DOCK3: variants seen among roughly 807,000 people sequenced by gnomAD.
DOCK3 encodes dedicator of cytokinesis 3, also known as dedicator of cytokinesis protein 3.
In DOCK3, 60 loss-of-function variants were observed where a neutral mutation model predicts 265.6. The ratio of observed to expected loss-of-function variants is 0.23; its 90% CI spans 0.18 to 0.28. The LOEUF (loss-of-function observed/expected upper bound fraction) is 0.28. Among genes scored for constraint, DOCK3 ranks in the 10% least tolerant of loss-of-function variants. The probability of loss-of-function intolerance (pLI) is 1.00; values close to 1 mark genes in which losing one functional copy is unlikely to be tolerated. For synonymous variants in DOCK3, 881 were observed against 938.0 expected (o/e 0.94, Z 1.11); for missense variants, 1,981 against 2,594.3 (o/e 0.76, Z 5.14).
In DOCK3 at chr3:51,071,874, T is replaced by G. The variant is rs1242439597; in HGVS notation, c.465-3482T>G. 3.3e-5 allele frequency among the ~76,000 whole-genome samples: 5 copies of G among 152,346 alleles called. No individual in the cohort carries two copies. In the East Asian group the frequency reaches 7.7e-4, roughly 24 times the overall value. On this transcript the variant is annotated intron_variant, in intron 6 of 52. Coordinates refer to ENST00000266037, the MANE Select transcript of DOCK3 (RefSeq NM_004947.5). ...GTAGTGAACATGTATTGGTTCTCAC[T>G]GTCCAACATCTCTGCCTTTTTCAAA...
chr3:50,689,324 A>G (rs2035052148), intron 1 of DOCK3, among the ~76,000 whole-genome samples: 1 of 152,260 alleles, frequency 6.6e-6, no homozygotes, highest in South Asian at 2.1e-4. Context: ...AAAGAGGTTT[A>G]ATTGACTTAT....
At chr3:51,379,295 C>T (rs1370670741) in intron 51 of DOCK3, among the ~76,000 whole-genome samples, 18 of 152,376 alleles carry the variant, frequency 1.2e-4, no homozygotes, top group African/African-American at 3.8e-4. Flanking sequence ...GACCACAGTG[C>T]CTTGCTTGGC....
chr3:51,336,849 T>TG (rs751598715), intron 35 of DOCK3: 13 of 456,018 alleles, frequency 2.9e-5, no homozygotes, highest in Non-Finnish European at 5.7e-5. Context: ...ATGTTTCAGA[T>TG]GCTTTATAGA....
intron 12 of DOCK3, among the ~76,000 whole-genome samples, chr3:51,205,794 A>T (rs1229112016): frequency 2.0e-5 from 3 of 152,248 alleles, no homozygotes; most frequent in Admixed American, 2.0e-4. Flanking sequence ...AAAAGGAAGC[A>T]TTGGTAATTG....
intron 27 of DOCK3, among the ~76,000 whole-genome samples, chr3:51,298,637 C>T (rs1192342621): frequency 6.6e-6 from 1 of 152,152 alleles, no homozygotes; most frequent in Non-Finnish European, 1.5e-5. Context: ...TGTTCAGCAC[C>T]CACTTATAAG....
chr3:50,849,485 C>G (rs984292768), intron 3 of DOCK3, among the ~76,000 whole-genome samples: 3 of 151,740 alleles, frequency 2.0e-5, no homozygotes, highest in African/African-American at 7.3e-5. Flanking sequence ...GACAGGGTCT[C>G]TCTCTGTCAC....
At chr3:50,999,032 C>G (rs1179833974) in intron 5 of DOCK3, among the ~76,000 whole-genome samples, 2 of 152,050 alleles carry the variant, frequency 1.3e-5, no homozygotes, top group African/African-American at 2.4e-5. Flanking sequence ...ACTAATGTTC[C>G]TCTAGAAATT....
rs1412628116 is a variant in DOCK3, at chr3:51,171,909, C to CTTTTCA, written c.1037+11208_1037+11213dup. 1.1e-4 allele frequency among the ~76,000 whole-genome samples: 16 copies of CTTTTCA among 152,198 alleles called. No homozygotes were observed. In the East Asian group the frequency reaches 3.1e-3, roughly 29 times the overall value. On this transcript the variant is annotated intron_variant, in intron 12 of 52. Transcript: ENST00000266037. ...ATTTTCTGTTTGGATGATCTCTTAG[C>CTTTTCA]TTTTCAAAGTGAAGTATTGAAGTTC... is the stretch of plus-strand genomic sequence containing the variant.
rs1469301603 is a variant in DOCK3 at position 50,973,591 on chromosome 3, A to G, written c.315+39514A>G. Reference sequence around the variant, plus strand: ...CTTTGCTATTGTGAATAGTGCCGCAATAAACATACGTGTCCATGTGTCTTT... The same window carrying G: ...CTTTGCTATTGTGAATAGTGCCGCAGTAAACATACGTGTCCATGTGTCTTT... On this transcript the variant is annotated intron_variant, in intron 5 of 52. Transcript: ENST00000266037. Among the ~76,000 whole-genome samples the G allele has an allele frequency of 9.4e-5, 14 of 148,252 alleles. No individual in the cohort carries two copies. The South Asian group carries it at 1.5e-3, about 16-fold the overall frequency.
intron 3 of DOCK3, among the ~76,000 whole-genome samples, chr3:50,864,780 C>G (rs1207332776): frequency 6.6e-6 from 1 of 151,888 alleles, no homozygotes; most frequent in Non-Finnish European, 1.5e-5. Context: ...TCTGAGTTCT[C>G]TATTCTGTTC....
At chr3:51,363,415 T>A (rs1244410031) in intron 49 of DOCK3, among the ~76,000 whole-genome samples, 1 of 152,216 alleles carries the variant, frequency 6.6e-6, no homozygotes, top group Non-Finnish European at 1.5e-5. Context: ...TGCTCTTGCT[T>A]CCAGGCTTCA....
intron 28 of DOCK3, 148 bp from the exon 29 acceptor site, chr3:51,311,856 C>A (rs2083081903): frequency 1.8e-6 from 1 of 556,792 alleles, no homozygotes; most frequent in East Asian, 3.0e-5. Flanking sequence ...GAGTTTGTAC[C>A]ATTTTCTCTT....
chr3:51,149,424 C>T (rs1463849978), intron 10 of DOCK3, among the ~76,000 whole-genome samples: 6 of 152,244 alleles, frequency 3.9e-5, no homozygotes, highest in African/African-American at 1.4e-4. Context: ...TGCCAGTTTT[C>T]AATGGGAATG....
At chr3:50,692,057 G>A (rs2035286483) in intron 1 of DOCK3, among the ~76,000 whole-genome samples, 1 of 152,018 alleles carries the variant, frequency 6.6e-6, no homozygotes, top group African/African-American at 2.4e-5. Context: ...TGGGACTACA[G>A]CTGTGTGCCA....
chr3:51,050,513 A>G (rs2109111225), intron 5 of DOCK3, among the ~76,000 whole-genome samples: 1 of 152,306 alleles, frequency 6.6e-6, no homozygotes. Flanking sequence ...ATATACATAA[A>G]AGGAGATTTA....
At chr3:50,735,100 GT>G (rs1000647831) in intron 1 of DOCK3, among the ~76,000 whole-genome samples, 1 of 151,388 alleles carries the variant, frequency 6.6e-6, no homozygotes, top group South Asian at 2.1e-4. Context: ...TTTGCTGTCA[GT>G]TTTTTTTTCT....
At chr3:50,947,741 G>A (rs1035081345) in intron 5 of DOCK3, among the ~76,000 whole-genome samples, 2 of 151,960 alleles carry the variant, frequency 1.3e-5, no homozygotes, top group Non-Finnish European at 2.9e-5. Context: ...AATAAATAGA[G>A]GAGATATGTC....
intron 5 of DOCK3, among the ~76,000 whole-genome samples, chr3:51,001,427 G>A (rs577611498): frequency 4.6e-5 from 7 of 152,234 alleles, no homozygotes; most frequent in Non-Finnish European, 7.4e-5. Context: ...GACTCTCCTG[G>A]TTCTTGGGCC....
At chr3:50,794,528 G>A (rs2042660991) in intron 2 of DOCK3, among the ~76,000 whole-genome samples, 1 of 152,112 alleles carries the variant, frequency 6.6e-6, no homozygotes, top group South Asian at 2.1e-4. Flanking sequence ...TTTAAAGTCT[G>A]TTTTGTCTGA....
Sources: gnomAD v4.1 joint callset for allele counts (sites outside exome capture counted in the v4.1 genomes callset) on GRCh38, gnomAD v4.1.1 for gene constraint, MANE v1.5 for transcripts, NCBI Gene and HGNC (gene_info 2026-07-23, HGNC 2026-07-21) for gene names.